Variants in MLXIPL observed in about 807,000 individuals in gnomAD.
MLXIPL encodes MLX interacting protein like, also known as carbohydrate-responsive element-binding protein.
Under a neutral mutation model 81.5 loss-of-function variants are expected in MLXIPL, and 49 were observed. The observed-to-expected ratio is 0.60, with a 90% CI of 0.48 to 0.76. MLXIPL has a LOEUF of 0.76. Among genes scored for constraint, MLXIPL ranks in the 30% least tolerant of loss-of-function variants. MLXIPL has a pLI of 0.00. For missense variants in MLXIPL, 1,053 were observed against 1,167.0 expected, an observed-to-expected ratio of 0.90 and a Z score of 1.42; for synonymous variants, 466 against 485.5, an observed-to-expected ratio of 0.96 and a Z score of 0.53.
At chr7:73,613,071 T>C (rs1795799762) in intron 2 of MLXIPL, among the ~76,000 whole-genome samples, 1 of 152,122 alleles carries the variant, frequency 6.6e-6, no homozygotes. Context: ...TCTTAGAGGA[T>C]AGGAGCCTGC....
the MLXIPL span, among the ~76,000 whole-genome samples, chr7:73,644,770 GGA>G: frequency 6.6e-6 from 1 of 152,196 alleles, no homozygotes; most frequent in African/African-American, 2.4e-5. Context: ...ACTCAGGGAT[GGA>G]AAACGCTTCT....
rs74409642 is a variant in MLXIPL at position 73,599,407 on chromosome 7, C to T, written c.1071+119G>A. 6.1e-3 allele frequency: 8,037 copies of T among 1,307,158 alleles called. 393 individuals carry two copies. In the African/African-American group the frequency reaches 0.1, roughly 17 times the overall value. 81.0% of individuals were successfully genotyped at this position (1,307,158 alleles called of 1,614,324 possible). A position where few individuals can be genotyped will look rare whatever the true frequency, so the allele number is the denominator to read the frequency against. ...GCAGAGATGGGGTCTTTCTTTCCCTCCAATCTCCAAGCAGAAGACTGGGCA... is the reference window on the plus strand; with the variant it reads ...GCAGAGATGGGGTCTTTCTTTCCCTTCAATCTCCAAGCAGAAGACTGGGCA... On this transcript the variant is annotated intron_variant, in intron 8 of 16. Transcript: ENST00000313375.
At chr7:73,604,214 TCAAAAA>T (rs1795105745) in intron 7 of MLXIPL, among the ~76,000 whole-genome samples, 1 of 32,924 alleles carries the variant, frequency 3.0e-5, no homozygotes, top group African/African-American at 1.5e-4. Flanking sequence ...AGACTCCGTC[TCAAAAA>T]AAAAAAAAAA....
At chr7:73,615,787 C>T (rs953586508) in intron 2 of MLXIPL, among the ~76,000 whole-genome samples, 1 of 152,012 alleles carries the variant, frequency 6.6e-6, no homozygotes. Context: ...GTGGTGGGTG[C>T]CTGCAGTCCC....
the MLXIPL span, among the ~76,000 whole-genome samples, chr7:73,643,050 CCA>C: frequency 7.9e-5 from 12 of 152,272 alleles, no homozygotes; most frequent in East Asian, 2.3e-3. Flanking sequence ...GTGCCAGGAG[CCA>C]CAGTCAAAGA....
upstream of MLXIPL, among the ~76,000 whole-genome samples, chr7:73,627,684 T>C (rs1796774484): frequency 6.6e-6 from 1 of 152,076 alleles, no homozygotes. Flanking sequence ...TCCTAGCATC[T>C]CTGAACCCCC....
intron 1 of MLXIPL, among the ~76,000 whole-genome samples, chr7:73,622,387 G>A (rs1554602472): frequency 6.6e-6 from 1 of 151,932 alleles, no homozygotes; most frequent in East Asian, 1.9e-4. Context: ...TACTCAGGAG[G>A]CTGAGGCAGG....
the MLXIPL span, among the ~76,000 whole-genome samples, chr7:73,647,416 T>G: frequency 1.6e-3 from 242 of 152,240 alleles, 1 homozygote; most frequent in African/African-American, 5.6e-3. Flanking sequence ...CCTGACTCCC[T>G]GGGCCCCCTC....
chr7:73,596,570 T>C lies in MLXIPL; in HGVS notation c.1822+69A>G. The C allele has an allele frequency of 1.3e-6, 2 of 1,599,142 alleles. No homozygotes were observed. Among genetic ancestry groups the C allele is most frequent in the Non-Finnish European group, 8.5e-7 (1 of 1,172,902 alleles). The stretch of plus-strand genomic sequence containing the variant: ...TCCTCTCATCTGGCCCCAGACCCAG[T>C]CCCCTTCTTCTTCCTCCTCTTCCCC... On this transcript the variant is annotated intron_variant, in intron 11 of 16. Coordinates refer to ENST00000313375, the MANE Select transcript of MLXIPL (RefSeq NM_032951.3). The surrounding 1 kb of genome is among the most constrained non-coding windows in gnomAD (Gnocchi z 4.7).
At chr7:73,599,765 AGT>A in intron 7 of MLXIPL, 70 bp from the exon 8 acceptor site, 2 of 1,486,852 alleles carry the variant, frequency 1.3e-6, no homozygotes, top group Non-Finnish European at 1.8e-6. Context: ...CTGAGAGGAG[AGT>A]GGCCTGTCCC....
chr7:73,602,122 G>GCCTC, intron 7 of MLXIPL, among the ~76,000 whole-genome samples: 1 of 59,610 alleles, frequency 1.7e-5, no homozygotes, highest in Non-Finnish European at 3.5e-5. Context: ...CTGCCTGCCT[G>GCCTC]CCTGCCTGCC....
chr7:73,608,266 T>C (rs1284822653), intron 2 of MLXIPL, among the ~76,000 whole-genome samples: 3 of 152,082 alleles, frequency 2.0e-5, no homozygotes, highest in Non-Finnish European at 2.9e-5. Flanking sequence ...TGTGGGGCCA[T>C]AGGCCACAGA....
chr7:73,594,287 G>A lies in MLXIPL; in HGVS notation c.2427C>T (p.Pro809=), dbSNP rs370106365. Residue 809 remains proline (P), a synonymous_variant, in exon 16 of 17, where the codon CCC becomes CCT. Transcript: ENST00000313375. The part of the protein sequence containing the change: ...LAWLDQYCSL[P]ALRPTVLNSL... ...TGGCTCACGTACTTGGCCGGAGAGC[G>A]GGCAGAGAGCAGTACTGGTCCAGCC... The A allele has an allele frequency of 7.6e-5, 122 of 1,612,044 alleles. No homozygotes were observed. The highest frequency in any genetic ancestry group is 9.9e-5 in the Non-Finnish European group (117 of 1,180,016).
chr7:73,639,178 C>A, the MLXIPL span, among the ~76,000 whole-genome samples: 5 of 152,090 alleles, frequency 3.3e-5, no homozygotes, highest in African/African-American at 1.2e-4. Context: ...GCTTAAAACC[C>A]CATCCCAGGC....
At chr7:73,614,629 T>A (rs1423623286) in intron 2 of MLXIPL, among the ~76,000 whole-genome samples, 2 of 152,090 alleles carry the variant, frequency 1.3e-5, no homozygotes, top group African/African-American at 4.8e-5. Flanking sequence ...CGGATCCAAG[T>A]CCTCTCTGCC....
the MLXIPL span, among the ~76,000 whole-genome samples, chr7:73,647,781 T>A: frequency 6.6e-5 from 10 of 151,576 alleles, no homozygotes; most frequent in Non-Finnish European, 1.3e-4. Flanking sequence ...TCACCTGGAA[T>A]CCGCTCGACC....
chr7:73,596,455 T>C lies in MLXIPL; in HGVS notation c.1847A>G (p.Asp616Gly). The C allele has an allele frequency of 6.2e-7, 1 of 1,611,970 alleles. No homozygotes were observed. Among genetic ancestry groups the C allele is most frequent in the Non-Finnish European group, 8.5e-7 (1 of 1,179,754 alleles). ...CCCAGGGCCTGGCATGGAGCTGAGG[T>C]CCCCTGACAGCCGCCGTTCACTGCC... ...PSGSERRLSGDLSSMPGPGTL... is the reference protein window; with the variant it reads ...PSGSERRLSGGLSSMPGPGTL... The change falls in exon 12 of 17, where the codon GAC becomes GGC. Residue 616 changes from aspartate to glycine, a missense_variant. Asp to Gly is a moderately conservative substitution (Grantham distance 94). Transcript: ENST00000313375. This position sits in a 1 kb window ranked among gnomAD's most constrained non-coding sequence, Gnocchi z 4.7.
At position 73,607,620 on chromosome 7, in the gene MLXIPL, C is replaced by A. The variant is rs782670637; in HGVS notation, c.453G>T (p.Gly151=). ...PVCGFVTPLQ[G]PEADAHRKPE... The stretch of plus-strand genomic sequence containing the variant: ...GCTTCCGGTGCGCATCAGCCTCAGG[C>A]CCCTGCAGGGGGGTCACGAAGCCAC... The change falls in exon 3 of 17, where the codon GGG becomes GGT. Residue 151 remains glycine, a synonymous_variant. Coordinates refer to ENST00000313375, the MANE Select transcript of MLXIPL (RefSeq NM_032951.3). 6.2e-6 allele frequency: 10 copies of A among 1,613,402 alleles called. No homozygotes were observed. In the African/African-American group the frequency reaches 1.2e-4, roughly 19 times the overall value.
chr7:73,613,928 G>A (rs1795849278), intron 2 of MLXIPL, among the ~76,000 whole-genome samples: 2 of 152,318 alleles, frequency 1.3e-5, no homozygotes, highest in South Asian at 4.1e-4. Context: ...TCTGAGGTCA[G>A]GAGTTCGAGA....
Sources: allele counts gnomAD v4.1 joint callset (sites outside exome capture counted in the v4.1 genomes callset), GRCh38; gene constraint gnomAD v4.1.1; non-coding constraint Gnocchi (gnomAD v3.1); transcripts MANE v1.5; gene names NCBI Gene and HGNC (gene_info 2026-07-23, HGNC 2026-07-21).